SHISA6: variants seen among roughly 807,000 people sequenced by gnomAD.
The protein encoded by SHISA6 is shisa family member 6, also known as protein shisa-6.
A neutral mutation model predicts 47.9 loss-of-function variants in SHISA6; 22 were observed. The ratio of observed to expected loss-of-function variants is 0.46; its 90% CI spans 0.33 to 0.66. SHISA6 has a LOEUF of 0.66. SHISA6 is among the 30% of genes least tolerant of loss of function. The probability of loss-of-function intolerance (pLI) is 0.02; values close to 1 mark genes in which losing one functional copy is unlikely to be tolerated. For synonymous variants in SHISA6, 388 were observed against 337.8 expected, an observed-to-expected ratio of 1.15 and a Z score of -1.63; for missense variants, 680 against 764.6, an observed-to-expected ratio of 0.89 and a Z score of 1.30.
At chr17:11,377,308 T>C (rs1369843669) in intron 2 of SHISA6, among the ~76,000 whole-genome samples, 2 of 152,142 alleles carry the variant, frequency 1.3e-5, no homozygotes, top group African/African-American at 4.8e-5. Context: ...GTGGCCACAG[T>C]ATTTTACAGC....
chr17:11,245,650 C>G (rs1179999299), intron 1 of SHISA6, among the ~76,000 whole-genome samples: 2 of 135,012 alleles, frequency 1.5e-5, no homozygotes, highest in South Asian at 5.1e-4. Flanking sequence ...GGTCAGGAAG[C>G]TATTAGGATG....
At position 11,560,001 on chromosome 17, in the gene SHISA6, G is replaced by A. The variant is rs2072026247; in HGVS notation, c.*1697G>A. The A allele has an allele frequency of 6.6e-6, 1 of 152,300 alleles. No homozygotes were observed. Among genetic ancestry groups the A allele is most frequent in the South Asian group, 2.1e-4 (1 of 4,834 alleles). 9.4% of individuals were successfully genotyped at this position (152,300 alleles called of 1,614,324 possible). A position where few individuals can be genotyped will look rare whatever the true frequency, so the allele number is the denominator to read the frequency against. On this transcript the variant is annotated 3_prime_UTR_variant, in exon 6 of 6. Coordinates refer to ENST00000441885, the MANE Select transcript of SHISA6 (RefSeq NM_207386.4). ...CTAAAAACAGTCAGATCCAACAGCA[G>A]TGCCCTTATAAATGGGGTTTTACCT...
At chr17:11,250,860 G>A (rs1907776024) in intron 1 of SHISA6, among the ~76,000 whole-genome samples, 1 of 152,024 alleles carries the variant, frequency 6.6e-6, no homozygotes, top group Admixed American at 6.5e-5. Context: ...TGGAGATCTC[G>A]GTGAGATGAA....
intron 3 of SHISA6, among the ~76,000 whole-genome samples, chr17:11,493,148 G>A (rs1362459152): frequency 6.6e-6 from 1 of 152,150 alleles, no homozygotes; most frequent in African/African-American, 2.4e-5. Context: ...CATTTATATA[G>A]CAGGACCACC....
intron 3 of SHISA6, among the ~76,000 whole-genome samples, chr17:11,500,219 T>C (rs1235890801): frequency 6.6e-6 from 1 of 152,202 alleles, no homozygotes; most frequent in African/African-American, 2.4e-5. Context: ...ACAGATTGCA[T>C]TCTGATATGG....
At chr17:11,296,519 A>C (rs1909755695) in intron 2 of SHISA6, among the ~76,000 whole-genome samples, 1 of 152,272 alleles carries the variant, frequency 6.6e-6, no homozygotes, top group African/African-American at 2.4e-5. Flanking sequence ...CATTTAATGG[A>C]ATAGAAAAGA....
rs77962557 is a variant in SHISA6, at chr17:11,279,559, C to T, written c.799+16033C>T. On this transcript the variant is annotated intron_variant, in intron 2 of 5. Coordinates refer to ENST00000441885, the MANE Select transcript of SHISA6 (RefSeq NM_207386.4). ...GAGCCCTCTTCCTAAGAGGCTGTTA[C>T]ATGGGAATCCTGTAAGGTCAGTAAT... Among the ~76,000 whole-genome samples the T allele has an allele frequency of 1.5e-3, 228 of 152,196 alleles. 4 individuals carry two copies. The East Asian group carries it at 0.038, about 25-fold the overall frequency.
At chr17:11,392,271 C>A (rs1251784438) in intron 3 of SHISA6, among the ~76,000 whole-genome samples, 2 of 151,994 alleles carry the variant, frequency 1.3e-5, no homozygotes, top group Non-Finnish European at 2.9e-5. Context: ...ATCCATTTAA[C>A]CAAAATAGAT....
chr17:11,552,031 C>A (rs1016341612), intron 4 of SHISA6, 79 bp downstream of exon 4: 19 of 1,426,590 alleles, frequency 1.3e-5, no homozygotes, highest in Non-Finnish European at 1.8e-5. Context: ...CCTATCAGGG[C>A]ATCAAACACA....
At chr17:11,449,717 C>T (rs142563962) in intron 3 of SHISA6, among the ~76,000 whole-genome samples, 1 of 152,270 alleles carries the variant, frequency 6.6e-6, no homozygotes, top group Non-Finnish European at 1.5e-5. Context: ...GTTCTGGAGG[C>T]CAGAAACCTC....
rs540733515 is a variant in SHISA6, at chr17:11,324,168, C to T, written c.800-55246C>T. ...GCAGCTCTTCTCAGCTTTGGTGCCG[C>T]GTTTTCATCTTATCAAAGATTCATG... On this transcript the variant is annotated intron_variant, in intron 2 of 5. Transcript: ENST00000441885. Among the ~76,000 whole-genome samples the T allele has an allele frequency of 4.6e-5, 7 of 152,204 alleles. No individual in the cohort carries two copies. The East Asian group carries it at 5.8e-4, about 13-fold the overall frequency.
Position 11,334,907 on chromosome 17 carries a change from G to A in SHISA6, c.800-44507G>A, listed in dbSNP as rs577916122. Among the ~76,000 whole-genome samples the A allele has an allele frequency of 1.5e-4, 23 of 152,278 alleles. No homozygotes were observed. In the South Asian group the frequency reaches 3.7e-3, roughly 25 times the overall value. On this transcript the variant is annotated intron_variant, in intron 2 of 5. Transcript: ENST00000441885. The stretch of plus-strand genomic sequence containing the variant: ...TATAGGGCCACCCATTCCCATCCCC[G>A]TGGTGCATGATTTGCCAGGCACTTC...
At chr17:11,328,641 T>G (rs1211303332) in intron 2 of SHISA6, among the ~76,000 whole-genome samples, 2 of 152,158 alleles carry the variant, frequency 1.3e-5, no homozygotes, top group African/African-American at 4.8e-5. Flanking sequence ...TTAACAAATA[T>G]CCCAACAAAA....
In SHISA6 at chr17:11,496,034, A is replaced by ATCC. The variant is rs1567621304; in HGVS notation, c.896-55862_896-55861insTCC. ...CCATCCATCCATCCATCCATCCATC[A>ATCC]CACAACAGATTAATGATGGCCTACT... On this transcript the variant is annotated intron_variant, in intron 3 of 5. Coordinates refer to ENST00000441885, the MANE Select transcript of SHISA6 (RefSeq NM_207386.4). Among the ~76,000 whole-genome samples the ATCC allele has an allele frequency of 1.5e-3, 186 of 120,888 alleles. 1 individual carries two copies. The highest frequency in any genetic ancestry group is 5.5e-3 in the African/African-American group (181 of 33,020). 79.3% of individuals were successfully genotyped at this position (120,888 alleles called of 152,430 possible).
At chr17:11,299,088 G>A (rs1567564881) in intron 2 of SHISA6, among the ~76,000 whole-genome samples, 1 of 152,154 alleles carries the variant, frequency 6.6e-6, no homozygotes, top group Admixed American at 6.5e-5. Flanking sequence ...TAGCTCCCAT[G>A]TCCCTTTCAC....
At chr17:11,417,472 G>A (rs1567600487) in intron 3 of SHISA6, among the ~76,000 whole-genome samples, 1 of 152,168 alleles carries the variant, frequency 6.6e-6, no homozygotes, top group South Asian at 2.1e-4. Context: ...TGGGGAGCAC[G>A]TGGCCTCACC....
At chr17:11,490,906 G>C (rs777850353) in intron 3 of SHISA6, among the ~76,000 whole-genome samples, 34 of 152,206 alleles carry the variant, frequency 2.2e-4, no homozygotes, top group Non-Finnish European at 3.7e-4. Flanking sequence ...GCTTTGTGAG[G>C]AATGCAGCAA....
At chr17:11,358,784 G>C (rs570973931) in intron 2 of SHISA6, among the ~76,000 whole-genome samples, 2 of 151,530 alleles carry the variant, frequency 1.3e-5, no homozygotes, top group Non-Finnish European at 2.9e-5. Flanking sequence ...TGATTCTCCA[G>C]CTTCAGCATC....
At chr17:11,453,924 C>T (rs1196692884) in intron 3 of SHISA6, among the ~76,000 whole-genome samples, 2 of 152,236 alleles carry the variant, frequency 1.3e-5, no homozygotes, top group East Asian at 1.9e-4. Context: ...CTCTGTTTAT[C>T]GATTTACCCA....
Sources: allele counts gnomAD v4.1 joint callset (sites outside exome capture counted in the v4.1 genomes callset), GRCh38; gene constraint gnomAD v4.1.1; transcripts MANE v1.5; gene names NCBI Gene and HGNC (gene_info 2026-07-23, HGNC 2026-07-21).